ZSWIM6: variants seen among roughly 807,000 people sequenced by gnomAD.
The protein encoded by ZSWIM6 is zinc finger SWIM domain-containing protein 6.
Under a neutral mutation model 113.2 loss-of-function variants are expected in ZSWIM6, and 9 were observed. That is an observed-to-expected ratio of 0.08 (90% CI 0.05 to 0.14). The LOEUF (loss-of-function observed/expected upper bound fraction) is 0.14, where lower values mean the gene tolerates loss of function less well. ZSWIM6 is among the 10% of genes least tolerant of loss of function. The pLI is 1.00. For missense variants in ZSWIM6, 1,162 were observed against 1,552.2 expected, an observed-to-expected ratio of 0.75 and a Z score of 4.22; for synonymous variants, 611 against 606.5, an observed-to-expected ratio of 1.01 and a Z score of -0.11.
chr5:61,435,693 C>T (rs754672465), intron 1 of ZSWIM6, among the ~76,000 whole-genome samples: 11 of 152,040 alleles, frequency 7.2e-5, no homozygotes, highest in South Asian at 4.1e-4. Context: ...ACAACTGTTA[C>T]GGATTACATT....
intron 1 of ZSWIM6, among the ~76,000 whole-genome samples, chr5:61,416,385 G>A (rs6449531): frequency 0.36 from 53,982 of 152,054 alleles, 9,764 homozygotes; most frequent in African/African-American, 0.41. Flanking sequence ...AGACACTCTA[G>A]CAGTAGTTTC....
chr5:61,526,178 C>T, intron 6 of ZSWIM6, 72 bp from the exon 7 acceptor site: 1 of 1,477,884 alleles, frequency 6.8e-7, no homozygotes, highest in East Asian at 2.5e-5. Flanking sequence ...GGAGAAACAT[C>T]TTACTATTAA....
intron 1 of ZSWIM6, among the ~76,000 whole-genome samples, chr5:61,405,209 A>G (rs1447702832): frequency 6.6e-6 from 1 of 152,166 alleles, no homozygotes; most frequent in South Asian, 2.1e-4. Context: ...ATAGAAAGCT[A>G]TGTTTGAAGA....
chr5:61,333,287 A>T (rs1365853695), intron 1 of ZSWIM6, among the ~76,000 whole-genome samples: 1 of 151,180 alleles, frequency 6.6e-6, no homozygotes, highest in East Asian at 2.0e-4. Flanking sequence ...GTGGATGTGG[A>T]CAAAGGCGCG....
chr5:61,493,056 A>T (rs945878896), intron 3 of ZSWIM6, among the ~76,000 whole-genome samples: 6 of 152,136 alleles, frequency 3.9e-5, no homozygotes, highest in Admixed American at 3.3e-4. Context: ...AGAGAGGCTT[A>T]CCCTTGTGTT....
chr5:61,455,297 A>G (rs1747181275), intron 1 of ZSWIM6, among the ~76,000 whole-genome samples: 1 of 152,096 alleles, frequency 6.6e-6, no homozygotes, highest in South Asian at 2.1e-4. Context: ...AAGTCCATTC[A>G]TTTCCTCTAA....
chr5:61,409,352 A>G (rs1746109788), intron 1 of ZSWIM6, among the ~76,000 whole-genome samples: 1 of 152,166 alleles, frequency 6.6e-6, no homozygotes, highest in Non-Finnish European at 1.5e-5. Flanking sequence ...AATTGCTACC[A>G]GAAAGAAATT....
chr5:61,526,228 C>A, intron 6 of ZSWIM6, 22 bp from the exon 7 acceptor site: 1 of 1,534,502 alleles, frequency 6.5e-7, no homozygotes, highest in Non-Finnish European at 8.8e-7. Flanking sequence ...GGCAACTTTA[C>A]CCCCTTGACT....
At chr5:61,432,523 C>T (rs1486069817) in intron 1 of ZSWIM6, among the ~76,000 whole-genome samples, 1 of 152,214 alleles carries the variant, frequency 6.6e-6, no homozygotes, top group Non-Finnish European at 1.5e-5. Context: ...ATCACAGCTT[C>T]ACAGCTGGCT....
At chr5:61,453,589 T>A (rs1486929084) in intron 1 of ZSWIM6, among the ~76,000 whole-genome samples, 1 of 152,060 alleles carries the variant, frequency 6.6e-6, no homozygotes, top group Non-Finnish European at 1.5e-5. Context: ...TTGTCCAGGC[T>A]GGTCTCAAAC....
Position 61,464,779 on chromosome 5 carries a change from A to G in ZSWIM6, c.677-7902A>G, listed in dbSNP as rs146257874. Among the ~76,000 whole-genome samples the G allele has an allele frequency of 2.6e-3, 389 of 152,300 alleles. 3 individuals are homozygous for G. The highest frequency in any genetic ancestry group is 8.7e-3 in the African/African-American group (360 of 41,568). ...CTAAAGCAAACAGCCAAGCATTTCC[A>G]AAGGTTGTTTTGCTGTGAGCAGCAA... On this transcript the variant is annotated intron_variant, in intron 1 of 13. Coordinates refer to ENST00000252744, the MANE Select transcript of ZSWIM6 (RefSeq NM_020928.2).
chr5:61,500,899 C>T (rs1428444449), intron 4 of ZSWIM6, among the ~76,000 whole-genome samples: 2 of 152,134 alleles, frequency 1.3e-5, no homozygotes, highest in East Asian at 3.9e-4. Context: ...ATAATGACCA[C>T]AGAGTTGCCA....
At chr5:61,445,335 T>C (rs1215210874) in intron 1 of ZSWIM6, among the ~76,000 whole-genome samples, 1 of 152,200 alleles carries the variant, frequency 6.6e-6, no homozygotes, top group Non-Finnish European at 1.5e-5. Flanking sequence ...TAATTTCTTT[T>C]CAGCTATAAA....
In ZSWIM6 at chr5:61,531,671, T is replaced by A; in HGVS notation, c.2191T>A (p.Leu731Met). Residue 731 changes from leucine to methionine, a missense_variant, in exon 9 of 14, where the codon TTG becomes ATG. This residue lies in a region of ZSWIM6 where 620 missense variants were observed against 804.6 expected (regional missense o/e 0.77). Transcript: ENST00000252744. ...CATTTCTAAGCTTCAGGAAATTGAA[T>A]TGGATGACACACTGGTGAAAATTTT... ...QLISKLQEIE[L>M]DDTLVKIFRK... is the part of the protein sequence containing the mutation. 5 of 1,551,720 alleles carry A rather than the reference T, an allele frequency of 3.2e-6. No individual in the cohort carries two copies. The highest frequency in any genetic ancestry group is 1.7e-4 in the Middle Eastern group (1 of 5,990).
chr5:61,410,913 ATG>A (rs1746138416), intron 1 of ZSWIM6, among the ~76,000 whole-genome samples: 1 of 152,140 alleles, frequency 6.6e-6, no homozygotes, highest in Non-Finnish European at 1.5e-5. Flanking sequence ...CCAGGGGAAA[ATG>A]CTTTTTATTA....
intron 1 of ZSWIM6, among the ~76,000 whole-genome samples, chr5:61,340,791 C>G (rs1167728790): frequency 3.3e-5 from 5 of 152,148 alleles, no homozygotes; most frequent in African/African-American, 4.8e-5. Flanking sequence ...ATTTGGCTAA[C>G]ATTTATTGAA....
At chr5:61,452,612 A>G (rs1747108454) in intron 1 of ZSWIM6, among the ~76,000 whole-genome samples, 1 of 152,188 alleles carries the variant, frequency 6.6e-6, no homozygotes, top group Non-Finnish European at 1.5e-5. Context: ...TTTCAGATTT[A>G]TAGAAAAGTT....
chr5:61,335,197 T>C (rs1431783984), intron 1 of ZSWIM6, among the ~76,000 whole-genome samples: 1 of 152,276 alleles, frequency 6.6e-6, no homozygotes, highest in Non-Finnish European at 1.5e-5. Context: ...TTGGCAGTGG[T>C]TGACGTGAAG....
chr5:61,395,340 G>A (rs1228164618), intron 1 of ZSWIM6, among the ~76,000 whole-genome samples: 1 of 151,998 alleles, frequency 6.6e-6, no homozygotes, highest in Non-Finnish European at 1.5e-5. Flanking sequence ...GACCAAGAGA[G>A]GACAGACAGC....
Sources: allele counts gnomAD v4.1 joint callset (sites outside exome capture counted in the v4.1 genomes callset), GRCh38; gene constraint gnomAD v4.1.1; regional missense constraint gnomAD v4.1.1; transcripts MANE v1.5; gene names NCBI Gene and HGNC (gene_info 2026-07-23, HGNC 2026-07-21).